Variants in TRIOBP observed in about 807,000 individuals in gnomAD.
TRIOBP encodes TRIO and F-actin-binding protein.
A neutral mutation model predicts 238.8 loss-of-function variants in TRIOBP; 169 were observed. That is an observed-to-expected ratio of 0.71 (90% CI 0.62 to 0.80). The LOEUF (loss-of-function observed/expected upper bound fraction) is 0.80. Among genes scored for constraint, TRIOBP ranks in the 30% least tolerant of loss-of-function variants. TRIOBP has a pLI of 0.00. For synonymous variants in TRIOBP, 1,150 were observed against 1,274.4 expected (o/e 0.90, Z 2.08); for missense variants, 2,838 against 3,122.6 (o/e 0.91, Z 2.17).
rs769650134 is a variant in TRIOBP at position 37,725,982 on chromosome 22, C to G, written c.3426C>G (p.Ala1142=). ...TCTTATTCCAGGACCTCCCCAGGGC[C>G]AGCACAGAGAGCCTTGTCCCTTCCA... is the stretch of plus-strand genomic sequence containing the variant. The part of the protein sequence containing the change: ...PSLLFQDLPR[A]STESLVPSMD... The change falls in exon 7 of 24, where the codon GCC becomes GCG. Residue 1142 remains alanine (A), a synonymous_variant. Transcript: ENST00000644935. 6 of 1,610,368 alleles carry G rather than the reference C, an allele frequency of 3.7e-6. No homozygotes were observed. Among genetic ancestry groups the G allele is most frequent in the Non-Finnish European group, 5.1e-6 (6 of 1,179,000 alleles).
chr22:37,760,727 C>A (rs926509070), intron 17 of TRIOBP, among the ~76,000 whole-genome samples: 4 of 152,170 alleles, frequency 2.6e-5, no homozygotes, highest in African/African-American at 9.7e-5. Flanking sequence ...GTAATCCCAG[C>A]ACTTTGGGGA....
At chr22:37,738,595 C>T in intron 9 of TRIOBP, 47 bp from the exon 10 acceptor site, 1 of 1,581,078 alleles carries the variant, frequency 6.3e-7, no homozygotes, top group Non-Finnish European at 8.7e-7. Context: ...ATGCATGCAT[C>T]CTGGAGAATA....
chr22:37,704,210 CA>C (rs945135139), intron 3 of TRIOBP, among the ~76,000 whole-genome samples: 5 of 152,148 alleles, frequency 3.3e-5, no homozygotes, highest in African/African-American at 9.6e-5. Context: ...GGCAAAACCC[CA>C]TCTCTACAAA....
chr22:37,772,570 C>T (rs773871889), intron 22 of TRIOBP, 31 bp from the exon 23 acceptor site: 9 of 1,613,782 alleles, frequency 5.6e-6, no homozygotes, highest in Non-Finnish European at 6.8e-6. Flanking sequence ...GGAGAGACTT[C>T]ATGCCCTCAT....
rs1452618357 is a variant in TRIOBP at position 37,707,893 on chromosome 22, G to A, written c.115-2534G>A. Among the ~76,000 whole-genome samples the A allele has an allele frequency of 5.5e-5, 8 of 145,476 alleles. No individual in the cohort carries two copies. In the Admixed American group the frequency reaches 5.7e-4, roughly 10 times the overall value. On this transcript the variant is annotated intron_variant, in intron 3 of 23. Transcript: ENST00000644935. ...GGAGGCAGAGGTTGCAGTGAGCTGAGATCGCGCCATTGCACTCCAGCCTGG... is the reference window on the plus strand; with the variant it reads ...GGAGGCAGAGGTTGCAGTGAGCTGAAATCGCGCCATTGCACTCCAGCCTGG...
At chr22:37,751,168 C>T (rs774066283) in intron 11 of TRIOBP, 6 of 415,692 alleles carry the variant, frequency 1.4e-5, no homozygotes, top group Middle Eastern at 3.6e-4. Flanking sequence ...CCCCAGACCC[C>T]GGGGCTGTGC....
intron 3 of TRIOBP, among the ~76,000 whole-genome samples, chr22:37,703,408 C>G (rs1237678893): frequency 2.0e-5 from 3 of 152,062 alleles, no homozygotes; most frequent in Non-Finnish European, 4.4e-5. Flanking sequence ...ACCTGATACA[C>G]ACGCAATGAG....
rs1033454004 is a variant in TRIOBP, at chr22:37,770,925, G to A, written c.6850-725G>A. 4.0e-5 allele frequency among the ~76,000 whole-genome samples: 6 copies of A among 151,850 alleles called. No homozygotes were observed. In the South Asian group the frequency reaches 6.2e-4, roughly 16 times the overall value. ...TCCCAATCTCCTGACCTCGTGATCC[G>A]CCCGCCTCTGCCTCCCAAAGTGCTG... On this transcript the variant is annotated intron_variant, in intron 21 of 23. Transcript: ENST00000644935.
chr22:37,741,030 AG>A lies in TRIOBP; in HGVS notation c.5322+1del. The A allele has an allele frequency of 6.4e-7, 1 of 1,562,546 alleles. No individual in the cohort carries two copies. The highest frequency in any genetic ancestry group is 8.7e-7 in the Non-Finnish European group (1 of 1,152,916). On this transcript the variant is annotated frameshift_variant and splice_region_variant, in exon 11 of 24. Coordinates refer to ENST00000644935, the MANE Select transcript of TRIOBP (RefSeq NM_001039141.3). LOFTEE classifies it high-confidence loss of function. ...LLSLGVLRWR[R>X]PDLLNFKKGW... is the part of the protein sequence containing the mutation. ...GTCTCTGGGGGTCCTCAGGTGGCGAAGGGTAGGCTGGCTCCAGTGGGGACTG... is the reference window on the plus strand; with the variant it reads ...GTCTCTGGGGGTCCTCAGGTGGCGAAGGTAGGCTGGCTCCAGTGGGGACTG...
At chr22:37,730,324 GA>G (rs1924363854) in intron 7 of TRIOBP, among the ~76,000 whole-genome samples, 1 of 152,200 alleles carries the variant, frequency 6.6e-6, no homozygotes, top group Admixed American at 6.5e-5. Flanking sequence ...TGGGGTTTCA[GA>G]ATCTTCTTGA....
chr22:37,719,992 C>CTGCACTCACTGTTTCACTCAT (rs1923740979), intron 6 of TRIOBP, among the ~76,000 whole-genome samples: 1 of 12,760 alleles, frequency 7.8e-5, no homozygotes. Context: ...CACTCATCCC[C>CTGCACTCACTGTTTCACTCAT]CCCCGCCCTT....
chr22:37,754,208 G>C (rs1255482638), intron 12 of TRIOBP, among the ~76,000 whole-genome samples: 1 of 152,152 alleles, frequency 6.6e-6, no homozygotes, highest in African/African-American at 2.4e-5. Flanking sequence ...CCAGGAGTTT[G>C]AGACCAGCCT....
intron 17 of TRIOBP, among the ~76,000 whole-genome samples, chr22:37,761,679 TG>T (rs1211457803): frequency 2.6e-5 from 4 of 151,836 alleles, no homozygotes; most frequent in Non-Finnish European, 5.9e-5. Context: ...GAGGGGCCTT[TG>T]GGGGCCCTGA....
intron 7 of TRIOBP, among the ~76,000 whole-genome samples, chr22:37,731,959 G>A (rs530112957): frequency 2.1e-4 from 32 of 152,318 alleles, no homozygotes; most frequent in African/African-American, 7.5e-4. Flanking sequence ...AGACAGCAGG[G>A]CCTATGGAGG....
intron 10 of TRIOBP, 147 bp from the exon 11 acceptor site, chr22:37,740,748 G>A (rs781161707): frequency 1.0e-4 from 126 of 1,205,776 alleles, no homozygotes; most frequent in Non-Finnish European, 1.4e-4. Flanking sequence ...TAACCAGCTC[G>A]TCTCGGCAGT....
intron 4 of TRIOBP, among the ~76,000 whole-genome samples, chr22:37,711,960 A>G (rs1260946306): frequency 6.6e-6 from 1 of 152,114 alleles, no homozygotes; most frequent in Non-Finnish European, 1.5e-5. Flanking sequence ...GAACCCGTCA[A>G]TGCCTGTGGA....
chr22:37,699,522 C>T lies in TRIOBP; in HGVS notation c.-60-1784C>T, dbSNP rs566481054. Among the ~76,000 whole-genome samples, 10 of 152,174 alleles carry T rather than the reference C, an allele frequency of 6.6e-5. No homozygotes were observed. In the East Asian group the frequency reaches 9.7e-4, roughly 15 times the overall value. ...AGACAAGGACACTCAAACTTTGGGG[C>T]GCACTAGAATCACCTGGGGAATCAC... On this transcript the variant is annotated intron_variant, in intron 2 of 23. Transcript: ENST00000644935.
At chr22:37,732,509 C>CAA (rs36003951) in intron 7 of TRIOBP, among the ~76,000 whole-genome samples, 55,877 of 99,524 alleles carry the variant, frequency 0.56, 16,966 homozygotes, top group East Asian at 0.69. Flanking sequence ...GACTCCATCT[C>CAA]AAAAAAAAAA....
At chr22:37,711,344 C>A (rs1395282669) in intron 4 of TRIOBP, among the ~76,000 whole-genome samples, 1 of 151,694 alleles carries the variant, frequency 6.6e-6, no homozygotes, top group Non-Finnish European at 1.5e-5. Flanking sequence ...TTTGGGAGGC[C>A]AAGGTGGGCG....
Sources: allele counts gnomAD v4.1 joint callset (sites outside exome capture counted in the v4.1 genomes callset), GRCh38; gene constraint gnomAD v4.1.1; transcripts MANE v1.5; gene names NCBI Gene and HGNC (gene_info 2026-07-23, HGNC 2026-07-21).